The following FAM171A1 variants were observed in gnomAD, a reference collection of about 807,000 sequenced individuals.
FAM171A1 encodes family with sequence similarity 171 member A1.
Under a neutral mutation model 74.9 loss-of-function variants are expected in FAM171A1, and 23 were observed. The ratio of observed to expected loss-of-function variants is 0.31; its 90% CI spans 0.22 to 0.44. The LOEUF (loss-of-function observed/expected upper bound fraction) is 0.44, where lower values mean the gene tolerates loss of function less well. FAM171A1 is among the 20% of genes least tolerant of loss of function. FAM171A1 has a pLI of 1.00. For missense variants in FAM171A1, 1,162 were observed against 1,159.2 expected (o/e 1.00, Z -0.03); for synonymous variants, 527 against 505.7 (o/e 1.04, Z -0.57).
chr10:15,258,620 A>C (rs906574831), intron 3 of FAM171A1, among the ~76,000 whole-genome samples: 1 of 152,036 alleles, frequency 6.6e-6, no homozygotes, highest in Non-Finnish European at 1.5e-5. Context: ...GCTTCTACCC[A>C]CAATGCATGC....
At chr10:15,349,793 G>A (rs944596722) in intron 1 of FAM171A1, among the ~76,000 whole-genome samples, 1 of 152,084 alleles carries the variant, frequency 6.6e-6, no homozygotes, top group Non-Finnish European at 1.5e-5. Flanking sequence ...TGGTTGCTGT[G>A]ATGTGGACAC....
chr10:15,339,461 G>A (rs149964579), intron 1 of FAM171A1, among the ~76,000 whole-genome samples: 23 of 152,248 alleles, frequency 1.5e-4, no homozygotes, highest in African/African-American at 4.3e-4. Context: ...CCTGAAGAGC[G>A]CTGCTCAGGT....
chr10:15,261,079 GTC>G (rs1362830268), intron 3 of FAM171A1, among the ~76,000 whole-genome samples: 2 of 152,226 alleles, frequency 1.3e-5, no homozygotes, highest in Admixed American at 1.3e-4. Flanking sequence ...GTCTTCCGCT[GTC>G]TCTCTATCTG....
rs369635898 is a variant in FAM171A1 at position 15,284,041 on chromosome 10, G to C, written c.162C>G (p.Ile54Met). The C allele has an allele frequency of 6.2e-7, 1 of 1,614,076 alleles. No individual in the cohort carries two copies. The highest frequency in any genetic ancestry group is 1.7e-5 in the Admixed American group (1 of 60,016). Residue 54 changes from isoleucine (I) to methionine (M), a missense_variant, in exon 2 of 8, where the codon ATC becomes ATG. Physicochemically the swap from Ile to Met is conservative, Grantham distance 10. Coordinates refer to ENST00000378116, the MANE Select transcript of FAM171A1 (RefSeq NM_001010924.2). The part of the protein sequence containing the change: ...STHQPVADAL[I>M]EIFTNQASIA... Reference sequence around the variant, plus strand: ...TGGAGGCCTGGTTGGTGAAGATCTCGATGAGCGCATCTGCTACGGGCTGGT... The same window carrying C: ...TGGAGGCCTGGTTGGTGAAGATCTCCATGAGCGCATCTGCTACGGGCTGGT...
At chr10:15,261,547 A>G (rs1397518267) in intron 3 of FAM171A1, among the ~76,000 whole-genome samples, 1 of 152,210 alleles carries the variant, frequency 6.6e-6, no homozygotes, top group Non-Finnish European at 1.5e-5. Flanking sequence ...CTTGATTATC[A>G]TAGTGTTTTA....
intron 1 of FAM171A1, among the ~76,000 whole-genome samples, chr10:15,349,858 T>C (rs1253428314): frequency 2.0e-5 from 3 of 152,040 alleles, no homozygotes; most frequent in Non-Finnish European, 4.4e-5. Context: ...GTAAAAGAGA[T>C]CAGCCACAAA....
chr10:15,232,745 G>A (rs1423309259), intron 5 of FAM171A1, among the ~76,000 whole-genome samples: 2 of 152,138 alleles, frequency 1.3e-5, no homozygotes, highest in Non-Finnish European at 2.9e-5. Flanking sequence ...CATTGAAGCG[G>A]GAATCCACAA....
chr10:15,213,173 G>A lies in FAM171A1; in HGVS notation c.2415C>T (p.Val805=), dbSNP rs761822255. ...GCAGGGCACTGTCCTCGGGGGTACA[G>A]ACCGTGGTCCCACATTCGCTACCAC... ...EQSGSECGTT[V]CTPEDSALRC... The change falls in exon 8 of 8, where the codon GTC becomes GTT. Residue 805 remains valine (V), a synonymous_variant. Coordinates refer to ENST00000378116, the MANE Select transcript of FAM171A1 (RefSeq NM_001010924.2). The surrounding 1 kb of genome is among the most constrained non-coding windows in gnomAD (Gnocchi z 6.8). 6.2e-7 allele frequency: 1 copy of A among 1,614,142 alleles called. No homozygotes were observed. The highest frequency in any genetic ancestry group is 8.5e-7 in the Non-Finnish European group (1 of 1,180,040).
intron 3 of FAM171A1, among the ~76,000 whole-genome samples, chr10:15,256,173 C>T (rs1279113700): frequency 3.9e-5 from 6 of 152,156 alleles, no homozygotes; most frequent in South Asian, 2.1e-4. Flanking sequence ...CAGCTCTGCA[C>T]GGAGCTGGTG....
At chr10:15,312,805 C>G (rs1248289502) in intron 1 of FAM171A1, among the ~76,000 whole-genome samples, 3 of 147,212 alleles carry the variant, frequency 2.0e-5, no homozygotes. Context: ...CTAAGCGATT[C>G]TCCTGCCTCA....
chr10:15,353,563 G>C (rs372251649), intron 1 of FAM171A1, among the ~76,000 whole-genome samples: 48 of 152,288 alleles, frequency 3.2e-4, no homozygotes, highest in African/African-American at 1.1e-3. Flanking sequence ...AACGTCCTAA[G>C]TTCAGAAAAC....
At chr10:15,276,766 C>A (rs1432559531) in intron 2 of FAM171A1, among the ~76,000 whole-genome samples, 5 of 152,136 alleles carry the variant, frequency 3.3e-5, no homozygotes, top group Admixed American at 6.5e-5. Context: ...CTCACTGTAG[C>A]CTCGACCTCC....
intron 1 of FAM171A1, among the ~76,000 whole-genome samples, chr10:15,351,567 C>CGACGGATGGATG (rs1554757202): frequency 2.7e-5 from 4 of 146,350 alleles, no homozygotes; most frequent in Admixed American, 2.7e-4. Context: ...AAAGTAGGGA[C>CGACGGATGGATG]GATGGATGGA....
intron 4 of FAM171A1, among the ~76,000 whole-genome samples, chr10:15,254,300 C>A (rs1028174866): frequency 2.0e-5 from 3 of 152,114 alleles, no homozygotes; most frequent in South Asian, 4.1e-4. Context: ...GGTGGTAAGT[C>A]TCTACCAGCC....
intron 5 of FAM171A1, among the ~76,000 whole-genome samples, chr10:15,233,037 G>A (rs921917263): frequency 3.9e-4 from 60 of 152,364 alleles, no homozygotes; most frequent in African/African-American, 1.3e-3. Flanking sequence ...GCTCACGCCT[G>A]TAATCCCAGC....
intron 1 of FAM171A1, among the ~76,000 whole-genome samples, chr10:15,341,275 C>CA (rs1403988123): frequency 6.6e-6 from 1 of 152,146 alleles, no homozygotes; most frequent in Non-Finnish European, 1.5e-5. Context: ...GCTTAGCTTA[C>CA]AAAAAGTCAT....
chr10:15,355,086 T>C (rs1317211842), intron 1 of FAM171A1, among the ~76,000 whole-genome samples: 2 of 152,200 alleles, frequency 1.3e-5, no homozygotes, highest in East Asian at 3.9e-4. Context: ...TAAGATATGC[T>C]AGTTTTGTTT....
intron 1 of FAM171A1, among the ~76,000 whole-genome samples, chr10:15,321,235 A>C (rs1835483510): frequency 6.6e-6 from 1 of 152,172 alleles, no homozygotes; most frequent in Non-Finnish European, 1.5e-5. Context: ...CCTGCAGGAG[A>C]ATTTCTGTTT....
At chr10:15,299,900 C>T (rs903047893) in intron 1 of FAM171A1, among the ~76,000 whole-genome samples, 1 of 151,946 alleles carries the variant, frequency 6.6e-6, no homozygotes, top group Non-Finnish European at 1.5e-5. Context: ...ATGGTGTGAA[C>T]CCGGGAGGCA....
Sources: allele counts gnomAD v4.1 joint callset (sites outside exome capture counted in the v4.1 genomes callset), GRCh38; gene constraint gnomAD v4.1.1; non-coding constraint Gnocchi (gnomAD v3.1); transcripts MANE v1.5; gene names NCBI Gene and HGNC (gene_info 2026-07-23, HGNC 2026-07-21).